The following TM6SF2 variants were observed in gnomAD, a reference collection of about 807,000 sequenced individuals.
The protein encoded by TM6SF2 is transmembrane 6 superfamily member 2.
TM6SF2 carries 29 observed loss-of-function variants against 41.0 expected under a neutral mutation model. The ratio of observed to expected loss-of-function variants is 0.71; its 90% CI spans 0.53 to 0.96. The LOEUF (loss-of-function observed/expected upper bound fraction) is 0.96, where lower values mean the gene tolerates loss of function less well. TM6SF2 is among the 50% of genes least tolerant of loss of function. The pLI, the probability that TM6SF2 is intolerant of heterozygous loss-of-function variation, is 0.00. For synonymous variants in TM6SF2, 200 were observed against 209.1 expected (o/e 0.96, Z 0.37); for missense variants, 475 against 499.0 (o/e 0.95, Z 0.46).
At chr19:19,273,061 T>TGGGCCCC in intron 1 of TM6SF2, 60 bp downstream of exon 1, 1 of 305,464 alleles carries the variant, frequency 3.3e-6, no homozygotes, top group Non-Finnish European at 6.1e-6. Flanking sequence ...CCTCCAGTCC[T>TGGGCCCC]CCCCGCCCCC....
At chr19:19,269,846 C>T (rs922478450) in intron 4 of TM6SF2, 77 bp from the exon 5 acceptor site, 49 of 1,604,048 alleles carry the variant, frequency 3.1e-5, no homozygotes, top group Non-Finnish European at 4.0e-5. Flanking sequence ...CTGGAGACCA[C>T]CGTGGGTTTC....
rs960855187 is a variant in TM6SF2, at chr19:19,270,418, G to A, written c.224C>T (p.Ser75Leu). 11 of 1,613,208 alleles carry A rather than the reference G, an allele frequency of 6.8e-6. No individual in the cohort carries two copies. The highest frequency in any genetic ancestry group is 5.3e-5 in the African/African-American group (4 of 75,040). ...AAGAGCGATGATGAGGTCCACAACC[G>A]AGGTGAAGGCGAAGACAGCGAAGAC... ...YAVFAVFAFT[S>L]VVDLIIALQE... The change falls in exon 3 of 10, where the codon TCG (serine) becomes TTG (leucine). Residue 75 changes from serine to leucine, a missense_variant. This residue lies in a region of TM6SF2 where 238 missense variants were observed against 228.6 expected (regional missense o/e 1.04). Coordinates refer to ENST00000389363, the MANE Select transcript of TM6SF2 (RefSeq NM_001001524.3).
rs759316924 is a variant in TM6SF2 at position 19,264,740 on chromosome 19, C to T, written c.1058G>A (p.Arg353His). Residue 353 changes from arginine to histidine, a missense_variant, in exon 10 of 10, where the codon CGT becomes CAT. Around this residue, in one of 3 missense-constraint regions of TM6SF2, gnomAD observed 190 missense variants for 190.2 expected, o/e 1.00. Coordinates refer to ENST00000389363, the MANE Select transcript of TM6SF2 (RefSeq NM_001001524.3). ...YALGPHLLAY[R>H]CLQWPAFFHQ... ...GAAGAATGCGGGCCACTGAAGGCAA[C>T]GGTAGGCCAGCAGGTGGGGGCCCAG... 42 of 1,604,210 alleles carry T rather than the reference C, an allele frequency of 2.6e-5. No individual in the cohort carries two copies. Among genetic ancestry groups the T allele is most frequent in the Admixed American group, 3.4e-5 (2 of 58,684 alleles).
chr19:19,267,551 C>T, intron 8 of TM6SF2, 70 bp downstream of exon 8: 1 of 1,200,190 alleles, frequency 8.3e-7, no homozygotes. Flanking sequence ...CTTCTGGCAC[C>T]TGCTTCAAAG....
Position 19,273,137 on chromosome 19 carries a change from C to T in TM6SF2, c.79G>A (p.Val27Ile). 1 of 1,490,658 alleles carries T rather than the reference C, an allele frequency of 6.7e-7. No individual in the cohort carries two copies. Among genetic ancestry groups the T allele is most frequent in the East Asian group, 2.9e-5 (1 of 33,920 alleles). 92.3% of individuals were successfully genotyped at this position (1,490,658 alleles called of 1,614,324 possible). ...ALPVSYALNH[V>I]SALSHPLWVA... Reference sequence around the variant, plus strand: ...CGCACGCACTGCGAGAGCGCCGAGACGTGGTTGAGCGCGTAGGACACCGGG... The same window carrying T: ...CGCACGCACTGCGAGAGCGCCGAGATGTGGTTGAGCGCGTAGGACACCGGG... Residue 27 changes from valine (V) to isoleucine (I), a missense_variant, in exon 1 of 10, where the codon GTC becomes ATC. Val to Ile is a conservative substitution (Grantham distance 29). Around this residue, in one of 3 missense-constraint regions of TM6SF2, gnomAD observed 238 missense variants for 228.6 expected, o/e 1.04. Coordinates refer to ENST00000389363, the MANE Select transcript of TM6SF2 (RefSeq NM_001001524.3).
At chr19:19,265,340 G>A (rs2060999208) in intron 9 of TM6SF2, among the ~76,000 whole-genome samples, 1 of 150,860 alleles carries the variant, frequency 6.6e-6, no homozygotes, top group South Asian at 2.1e-4. Context: ...AAGCCACCAT[G>A]CCTGGCCTAT....
rs774592616 is a variant in TM6SF2 at position 19,270,345 on chromosome 19, C to T, written c.297G>A (p.Glu99=). ...GGCTCCCTGGTCGTCCCCCAAGTAC[C>T]TCCTTGGTGTAGAACTCCATGAAGC... ...VVGFMEFYTK[E]GEPYLRTAHG... Residue 99 remains glutamate, a splice_region_variant and synonymous_variant, in exon 3 of 10, where the codon GAG becomes GAA. Coordinates refer to ENST00000389363, the MANE Select transcript of TM6SF2 (RefSeq NM_001001524.3). 6 of 1,614,076 alleles carry T rather than the reference C, an allele frequency of 3.7e-6. No individual in the cohort carries two copies. Among genetic ancestry groups the T allele is most frequent in the Admixed American group, 1.7e-5 (1 of 60,004 alleles).
intron 8 of TM6SF2, 75 bp downstream of exon 8, chr19:19,267,546 G>C (rs2061007492): frequency 4.4e-6 from 5 of 1,125,322 alleles, no homozygotes; most frequent in Non-Finnish European, 6.5e-6. Flanking sequence ...TTGTGCTTCT[G>C]GCACCTGCTT....
chr19:19,268,191 T>TC, intron 6 of TM6SF2, 104 bp from the exon 7 acceptor site: 1 of 768,990 alleles, frequency 1.3e-6, no homozygotes, highest in South Asian at 2.1e-5. Context: ...TTTCTTTTTT[T>TC]CTTTTTTTTC....
chr19:19,266,381 C>T, intron 9 of TM6SF2, 109 bp downstream of exon 9: 1 of 1,468,536 alleles, frequency 6.8e-7, no homozygotes, highest in East Asian at 2.3e-5. Flanking sequence ...GGGGCTGGGG[C>T]CTCTTGGGGG....
intron 6 of TM6SF2, 27 bp from the exon 7 acceptor site, chr19:19,268,114 C>T (rs1338365022): frequency 2.6e-6 from 4 of 1,531,550 alleles, no homozygotes; most frequent in African/African-American, 2.7e-5. Flanking sequence ...AAACAGACAG[C>T]ATGAGAGGTA....
At position 19,267,633 on chromosome 19, in the gene TM6SF2, G is replaced by A; in HGVS notation, c.792C>T (p.Tyr264=). 6.2e-7 allele frequency: 1 copy of A among 1,613,492 alleles called. No homozygotes were observed. ...YEPYLRDPVA[Y]PKVQMLMYMF... is the part of the protein sequence containing the mutation. ...GCTCCCCTCTCACCTGCACCTTAGG[G>A]TAGGCCACAGGGTCCCGCAGGTATG... The change falls in exon 8 of 10, where the codon TAC becomes TAT. Residue 264 remains tyrosine (Y), a synonymous_variant. Coordinates refer to ENST00000389363, the MANE Select transcript of TM6SF2 (RefSeq NM_001001524.3).
In TM6SF2 at chr19:19,264,481, C is replaced by A; in HGVS notation, c.*183G>T. On this transcript the variant is annotated 3_prime_UTR_variant, in exon 10 of 10. Coordinates refer to ENST00000389363, the MANE Select transcript of TM6SF2 (RefSeq NM_001001524.3). ...GGAGCATGGTGACAGCTGTGGGAGG[C>A]TCTCCTTGCAGGAACACTTGGTCGT... 1 of 448,116 alleles carries A rather than the reference C, an allele frequency of 2.2e-6. No homozygotes were observed. Among genetic ancestry groups the A allele is most frequent in the Non-Finnish European group, 3.8e-6 (1 of 264,742 alleles). The allele number at this position is 448,116 out of a possible 1,614,324, so 27.8% of individuals were successfully genotyped here.
At chr19:19,273,061 T>TAGC in intron 1 of TM6SF2, 60 bp downstream of exon 1, 3 of 305,462 alleles carry the variant, frequency 9.8e-6, no homozygotes, top group South Asian at 2.9e-5. Context: ...CCTCCAGTCC[T>TAGC]CCCCGCCCCC....
chr19:19,268,787 T>G, intron 5 of TM6SF2, 33 bp from the exon 6 acceptor site: 1 of 1,557,704 alleles, frequency 6.4e-7, no homozygotes, highest in Non-Finnish European at 8.6e-7. Context: ...GCATCAGCCA[T>G]GCCAGAACCC....
At chr19:19,266,005 G>A (rs1188512356) in intron 9 of TM6SF2, among the ~76,000 whole-genome samples, 1 of 152,044 alleles carries the variant, frequency 6.6e-6, no homozygotes, top group East Asian at 1.9e-4. Flanking sequence ...GCTCTGACTG[G>A]GCCCCTCACT....
chr19:19,268,095 AGGGGAGAG>A lies in TM6SF2; in HGVS notation c.610-16_610-9del. ...TCTTTGTTCCTCTTGCACCTGGCCC[AGGGGAGAG>A]AAACAGACAGCATGAGAGGTAGTCA... On this transcript the variant is annotated splice_polypyrimidine_tract_variant and intron_variant, in intron 6 of 9. Coordinates refer to ENST00000389363, the MANE Select transcript of TM6SF2 (RefSeq NM_001001524.3). The A allele has an allele frequency of 6.2e-7, 1 of 1,608,948 alleles. No homozygotes were observed. Among genetic ancestry groups the A allele is most frequent in the South Asian group, 1.1e-5 (1 of 90,754 alleles).
At chr19:19,265,038 G>GTTTTTTT (rs550015865) in intron 9 of TM6SF2, among the ~76,000 whole-genome samples, 165 bp from the exon 10 acceptor site, 2 of 121,054 alleles carry the variant, frequency 1.7e-5, no homozygotes, top group African/African-American at 3.3e-5. Flanking sequence ...CCATCTATCT[G>GTTTTTTT]TTTTTTTTTT....
Position 19,264,441 on chromosome 19 carries a change from G to A in TM6SF2, c.*223C>T, listed in dbSNP as rs192578237. On this transcript the variant is annotated 3_prime_UTR_variant, in exon 10 of 10. Transcript: ENST00000389363. ...GGTAAGTTCTGGAAGGGGTAGAAGC[G>A]TTTGTGTGGGAGTTGGAGCATGGTG... 53 of 398,254 alleles carry A rather than the reference G, an allele frequency of 1.3e-4. No homozygotes were observed. Among genetic ancestry groups the A allele is most frequent in the Middle Eastern group, 6.5e-4 (1 of 1,528 alleles). The allele number at this position is 398,254 out of a possible 1,614,324, so 24.7% of individuals were successfully genotyped here. A position where few individuals can be genotyped will look rare whatever the true frequency, so the allele number is the denominator to read the frequency against.
Sources: gnomAD v4.1 joint callset for allele counts (sites outside exome capture counted in the v4.1 genomes callset) on GRCh38, gnomAD v4.1.1 for gene constraint, gnomAD v4.1.1 regional missense constraint, MANE v1.5 for transcripts, NCBI Gene and HGNC (gene_info 2026-07-23, HGNC 2026-07-21) for gene names.